Variants in SERGEF observed in about 807,000 individuals in gnomAD.
SERGEF encodes secretion regulating guanine nucleotide exchange factor.
Under a neutral mutation model 50.0 loss-of-function variants are expected in SERGEF, and 51 were observed. That is an observed-to-expected ratio of 1.02 (90% confidence interval 0.81 to 1.29). SERGEF has a LOEUF of 1.29. SERGEF is among the 50% of genes most tolerant of loss of function. The probability of loss-of-function intolerance (pLI) is 0.00; values close to 1 mark genes in which losing one functional copy is unlikely to be tolerated. For missense variants in SERGEF, 521 were observed against 557.0 expected (o/e 0.94, Z 0.65); for synonymous variants, 205 against 212.4 (o/e 0.97, Z 0.30).
At chr11:17,984,300 G>A (rs1267037404) in intron 8 of SERGEF, among the ~76,000 whole-genome samples, 1 of 152,146 alleles carries the variant, frequency 6.6e-6, no homozygotes, top group African/African-American at 2.4e-5. Context: ...AGCTTCTGGG[G>A]AGGCCTCTGG....
chr11:17,973,717 T>G (rs940796543), intron 8 of SERGEF, among the ~76,000 whole-genome samples: 1 of 152,188 alleles, frequency 6.6e-6, no homozygotes, highest in Non-Finnish European at 1.5e-5. Flanking sequence ...GGGGTCCTAA[T>G]AGAGCTATAC....
chr11:17,943,261 C>T (rs1413650502), intron 9 of SERGEF, among the ~76,000 whole-genome samples: 3 of 152,126 alleles, frequency 2.0e-5, no homozygotes, highest in Admixed American at 1.3e-4. Context: ...ACTAGACATA[C>T]AGATATTCTG....
intron 4 of SERGEF, among the ~76,000 whole-genome samples, chr11:18,003,013 A>C (rs1198735797): frequency 2.0e-5 from 3 of 152,206 alleles, no homozygotes; most frequent in Non-Finnish European, 4.4e-5. Context: ...GGTGCTTACA[A>C]GGCCATCTAT....
intron 9 of SERGEF, among the ~76,000 whole-genome samples, chr11:17,911,370 AT>A (rs1851949831): frequency 6.8e-6 from 1 of 147,142 alleles, no homozygotes; most frequent in Non-Finnish European, 1.5e-5. Flanking sequence ...ATATATTAAA[AT>A]ATATATAAAA....
At chr11:17,864,390 G>A (rs1005030989) in intron 10 of SERGEF, among the ~76,000 whole-genome samples, 1 of 152,086 alleles carries the variant, frequency 6.6e-6, no homozygotes, top group South Asian at 2.1e-4. Context: ...GCTTCTTTAG[G>A]AACAGTGAAA....
intron 9 of SERGEF, among the ~76,000 whole-genome samples, chr11:17,947,968 T>C (rs1187209909): frequency 2.0e-5 from 3 of 150,514 alleles, no homozygotes; most frequent in South Asian, 2.1e-4. Flanking sequence ...TTTTTTTTTT[T>C]CTGAGACGGA....
At chr11:17,792,576 C>T (rs748001304) in intron 10 of SERGEF, among the ~76,000 whole-genome samples, 11 of 152,214 alleles carry the variant, frequency 7.2e-5, no homozygotes, top group African/African-American at 2.7e-4. Context: ...ATTTTCATGC[C>T]CACTGGGTCG....
intron 9 of SERGEF, among the ~76,000 whole-genome samples, chr11:17,952,509 A>G (rs1286641094): frequency 6.6e-6 from 1 of 151,636 alleles, no homozygotes; most frequent in African/African-American, 2.4e-5. Flanking sequence ...CCTTGCTCCA[A>G]TTCTTCTCCT....
intron 3 of SERGEF, among the ~76,000 whole-genome samples, chr11:18,004,775 A>G (rs1854038338): frequency 6.6e-6 from 1 of 152,054 alleles, no homozygotes. Flanking sequence ...AGAACACTTA[A>G]CTCAGTGCCT....
chr11:17,924,852 C>T (rs1036233071), intron 9 of SERGEF, among the ~76,000 whole-genome samples: 12 of 152,110 alleles, frequency 7.9e-5, no homozygotes, highest in African/African-American at 2.9e-4. Flanking sequence ...TGTTTGCTGT[C>T]TTACAATTTG....
intron 10 of SERGEF, among the ~76,000 whole-genome samples, chr11:17,812,540 T>C (rs556480969): frequency 6.6e-6 from 1 of 152,188 alleles, no homozygotes; most frequent in South Asian, 2.1e-4. Context: ...ATAGCAGGGG[T>C]GGCTGTGGCA....
intron 9 of SERGEF, among the ~76,000 whole-genome samples, chr11:17,934,489 T>C (rs1321958609): frequency 6.6e-6 from 1 of 152,210 alleles, no homozygotes; most frequent in Non-Finnish European, 1.5e-5. Flanking sequence ...AATACATATA[T>C]CTGACAACTC....
In SERGEF at chr11:17,995,878, ACCAGTCCC is replaced by A; in HGVS notation, c.532_539del (p.Gly178PhefsTer33). 1 of 1,614,028 alleles carries A rather than the reference ACCAGTCCC, an allele frequency of 6.2e-7. No individual in the cohort carries two copies. Among genetic ancestry groups the A allele is most frequent in the Non-Finnish European group, 8.5e-7 (1 of 1,179,948 alleles). ...ACAACCGTCGTCCACATGATGCCAAACCAGTCCCCCACTGGAACACGATGCCACTCGCT... is the reference window on the plus strand; with the variant it reads ...ACAACCGTCGTCCACATGATGCCAAACCACTGGAACACGATGCCACTCGCT... On this transcript the variant is annotated frameshift_variant, in exon 6 of 11. Transcript: ENST00000265965. LOFTEE classifies it high-confidence loss of function.
At chr11:17,961,864 G>A (rs1018084090) in intron 8 of SERGEF, among the ~76,000 whole-genome samples, 1 of 152,172 alleles carries the variant, frequency 6.6e-6, no homozygotes, top group African/African-American at 2.4e-5. Flanking sequence ...ACCCAGGACA[G>A]AAGAGACCCT....
chr11:17,830,904 C>CCGG (rs1850296683), intron 10 of SERGEF, among the ~76,000 whole-genome samples: 15 of 152,088 alleles, frequency 9.9e-5, no homozygotes, highest in Admixed American at 7.2e-4. Context: ...AGACCATTTA[C>CCGG]TGGTTTTCAG....
intron 9 of SERGEF, among the ~76,000 whole-genome samples, chr11:17,882,048 A>G (rs893660833): frequency 1.3e-5 from 2 of 152,186 alleles, no homozygotes; most frequent in African/African-American, 4.8e-5. Context: ...ACATCACGCA[A>G]TTTCAGGCCT....
At chr11:17,997,384 T>C (rs1853857807) in intron 5 of SERGEF, among the ~76,000 whole-genome samples, 1 of 152,040 alleles carries the variant, frequency 6.6e-6, no homozygotes, top group Non-Finnish European at 1.5e-5. Flanking sequence ...AAATAACAAG[T>C]GTTGGTGAGT....
At chr11:17,992,279 C>T (rs937392636) in intron 7 of SERGEF, among the ~76,000 whole-genome samples, 1 of 151,888 alleles carries the variant, frequency 6.6e-6, no homozygotes, top group African/African-American at 2.4e-5. Flanking sequence ...TATAGACACA[C>T]AGATTAGATA....
chr11:17,817,610 G>A (rs1051099297), intron 10 of SERGEF, among the ~76,000 whole-genome samples: 1 of 152,160 alleles, frequency 6.6e-6, no homozygotes, highest in African/African-American at 2.4e-5. Context: ...GACACACAAA[G>A]ATTAAATTAT....
Sources: allele counts gnomAD v4.1 joint callset (sites outside exome capture counted in the v4.1 genomes callset), GRCh38; gene constraint gnomAD v4.1.1; transcripts MANE v1.5; gene names NCBI Gene and HGNC (gene_info 2026-07-23, HGNC 2026-07-21).